The following ASTN2 variants were observed in gnomAD, a reference collection of about 807,000 sequenced individuals.
ASTN2 encodes the protein astrotactin 2.
A neutral mutation model predicts 139.8 loss-of-function variants in ASTN2; 54 were observed. The observed-to-expected ratio is 0.39, with a 90% CI of 0.31 to 0.48. The LOEUF is 0.48. Among genes scored for constraint, ASTN2 ranks in the 20% least tolerant of loss-of-function variants. The probability of loss-of-function intolerance (pLI) is 0.95; values close to 1 mark genes in which losing one functional copy is unlikely to be tolerated. For synonymous variants in ASTN2, 756 were observed against 719.5 expected, an observed-to-expected ratio of 1.05 and a Z score of -0.81; for missense variants, 1,565 against 1,725.1, an observed-to-expected ratio of 0.91 and a Z score of 1.64.
chr9:117,159,146 A>T (rs1830492239), intron 3 of ASTN2, among the ~76,000 whole-genome samples: 2 of 152,148 alleles, frequency 1.3e-5, no homozygotes, highest in South Asian at 4.1e-4. Flanking sequence ...TAGAATGAAT[A>T]AGTATTGTAT....
At chr9:117,348,090 T>G (rs576054568) in intron 1 of ASTN2, among the ~76,000 whole-genome samples, 1 of 152,288 alleles carries the variant, frequency 6.6e-6, no homozygotes, top group Non-Finnish European at 1.5e-5. Flanking sequence ...GAGAGAAGCA[T>G]AATCCATTTA....
At chr9:116,610,904 A>G (rs1048609172) in intron 19 of ASTN2, 1 of 152,190 alleles carries the variant, frequency 6.6e-6, no homozygotes, top group Non-Finnish European at 1.5e-5. Flanking sequence ...GAAGACAGAA[A>G]ATCAGAAAGG....
intron 19 of ASTN2, chr9:116,579,141 G>C (rs896655126): frequency 6.6e-6 from 1 of 152,190 alleles, no homozygotes; most frequent in South Asian, 2.1e-4. Flanking sequence ...AACTCATTTA[G>C]GTGTCTCAAC....
intron 2 of ASTN2, among the ~76,000 whole-genome samples, chr9:117,235,499 C>T (rs1358039433): frequency 1.3e-5 from 2 of 152,124 alleles, no homozygotes; most frequent in South Asian, 4.1e-4. Context: ...TCATCCTGCT[C>T]TCCAGAAAAA....
At chr9:116,839,244 C>T (rs1190225934) in intron 11 of ASTN2, among the ~76,000 whole-genome samples, 2 of 151,936 alleles carry the variant, frequency 1.3e-5, no homozygotes, top group Non-Finnish European at 2.9e-5. Flanking sequence ...AAATCCTGGG[C>T]TCAAGGGATC....
intron 16 of ASTN2, among the ~76,000 whole-genome samples, chr9:116,670,208 G>A (rs1251669194): frequency 3.3e-5 from 5 of 152,184 alleles, no homozygotes; most frequent in Admixed American, 6.5e-5. Flanking sequence ...TGAGATTTAA[G>A]GGTTTATTGT....
intron 13 of ASTN2, among the ~76,000 whole-genome samples, chr9:116,794,456 C>A (rs563190715): frequency 8.3e-4 from 126 of 152,218 alleles, no homozygotes; most frequent in Non-Finnish European, 1.5e-3. Context: ...CATTCAAAGC[C>A]ATCCTGAGCC....
At chr9:117,095,646 T>A (rs963060698) in intron 5 of ASTN2, among the ~76,000 whole-genome samples, 1 of 152,208 alleles carries the variant, frequency 6.6e-6, no homozygotes, top group African/African-American at 2.4e-5. Flanking sequence ...CTTACTTAAA[T>A]TGCCAGCCTC....
chr9:116,818,445 T>G (rs1831396241), intron 12 of ASTN2, among the ~76,000 whole-genome samples: 1 of 152,224 alleles, frequency 6.6e-6, no homozygotes, highest in Non-Finnish European at 1.5e-5. Flanking sequence ...AATAGACAGT[T>G]TCCAAATCCT....
At chr9:116,449,058 C>T (rs1848093496) in intron 20 of ASTN2, among the ~76,000 whole-genome samples, 1 of 152,190 alleles carries the variant, frequency 6.6e-6, no homozygotes, top group African/African-American at 2.4e-5. Context: ...ACCTACTATC[C>T]TTATGACCTT....
intron 10 of ASTN2, among the ~76,000 whole-genome samples, chr9:116,943,108 G>A (rs936417057): frequency 6.6e-5 from 10 of 152,134 alleles, no homozygotes; most frequent in African/African-American, 1.4e-4. Flanking sequence ...GTTATAGACC[G>A]GGGATAAAAA....
chr9:117,102,346 G>A (rs1828998811), intron 4 of ASTN2, among the ~76,000 whole-genome samples: 1 of 152,124 alleles, frequency 6.6e-6, no homozygotes, highest in Admixed American at 6.5e-5. Context: ...CGTAGAGATG[G>A]AAGTAGACTA....
At chr9:116,542,896 G>A (rs1453973980) in intron 19 of ASTN2, among the ~76,000 whole-genome samples, 2 of 151,940 alleles carry the variant, frequency 1.3e-5, no homozygotes, top group East Asian at 3.9e-4. Flanking sequence ...CTACAGCCTG[G>A]GTGACAGAGC....
At chr9:117,013,903 T>C (rs1057057976) in intron 6 of ASTN2, among the ~76,000 whole-genome samples, 1 of 152,068 alleles carries the variant, frequency 6.6e-6, no homozygotes, top group Non-Finnish European at 1.5e-5. Context: ...GAACCATGGA[T>C]AGATTTCAAA....
intron 5 of ASTN2, among the ~76,000 whole-genome samples, chr9:117,094,134 CTAAGGGAGGGAGGGAGGGA>C (rs1828776998): frequency 7.3e-5 from 1 of 13,674 alleles, no homozygotes. Flanking sequence ...GAGGGAGGGA[CTAAGGGAGGGAGGGAGGGA>C]GAAAGGGAGG....
intron 16 of ASTN2, among the ~76,000 whole-genome samples, chr9:116,682,633 C>G (rs1859955035): frequency 6.6e-6 from 1 of 152,140 alleles, no homozygotes; most frequent in African/African-American, 2.4e-5. Context: ...ACCCAAATGT[C>G]CAACAATGAT....
chr9:117,104,814 T>C (rs565953083), intron 4 of ASTN2, among the ~76,000 whole-genome samples: 1 of 152,350 alleles, frequency 6.6e-6, no homozygotes, highest in Admixed American at 6.5e-5. Flanking sequence ...GCTTATTTTT[T>C]TAATAAGTAC....
At chr9:117,232,205 A>G (rs1402006758) in intron 2 of ASTN2, among the ~76,000 whole-genome samples, 1 of 152,160 alleles carries the variant, frequency 6.6e-6, no homozygotes, top group Non-Finnish European at 1.5e-5. Flanking sequence ...CCATGAGTGT[A>G]TTGTCTTGTT....
intron 5 of ASTN2, among the ~76,000 whole-genome samples, chr9:117,071,743 C>T (rs1254564117): frequency 1.3e-5 from 2 of 150,740 alleles, no homozygotes; most frequent in African/African-American, 2.5e-5. Context: ...GTCTGAAAAG[C>T]GCAATACTCG....
Sources: gnomAD v4.1 joint callset for allele counts (sites outside exome capture counted in the v4.1 genomes callset) on GRCh38, gnomAD v4.1.1 for gene constraint, MANE v1.5 for transcripts, NCBI Gene and HGNC (gene_info 2026-07-23, HGNC 2026-07-21) for gene names.